Variants in TNFRSF9 observed in about 807,000 individuals in gnomAD.
TNFRSF9 encodes tumor necrosis factor receptor superfamily member 9.
TNFRSF9 carries 16 observed loss-of-function variants against 28.8 expected under a neutral mutation model. That is an observed-to-expected ratio of 0.55 (90% CI 0.38 to 0.84). The LOEUF (loss-of-function observed/expected upper bound fraction) is 0.84, where lower values mean the gene tolerates loss of function less well. Among genes scored for constraint, TNFRSF9 ranks in the 40% least tolerant of loss-of-function variants. The pLI is 0.00. For synonymous variants in TNFRSF9, 131 were observed against 117.0 expected (o/e 1.12, Z -0.77); for missense variants, 303 against 315.0 (o/e 0.96, Z 0.29).
At chr1:7,933,737 C>A (rs1639771000) in intron 6 of TNFRSF9, among the ~76,000 whole-genome samples, 1 of 152,022 alleles carries the variant, frequency 6.6e-6, no homozygotes, top group African/African-American at 2.4e-5. Context: ...AACTTAATGG[C>A]AGGGAGCGGT....
rs1055401812 is a variant in TNFRSF9 at position 7,928,628 on chromosome 1, A to G, written c.679+4534T>C. 5.3e-5 allele frequency among the ~76,000 whole-genome samples: 8 copies of G among 152,064 alleles called. No homozygotes were observed. The South Asian group carries it at 6.2e-4, about 12-fold the overall frequency. On this transcript the variant is annotated intron_variant, in intron 7 of 7. Transcript: ENST00000377507. The stretch of plus-strand genomic sequence containing the variant: ...ACAAATGGGCCGGGCATGGTGGCTC[A>G]TGCCTGTAATCCCAGCACTTTGGGA...
chr1:7,939,805 A>T, intron 2 of TNFRSF9, 90 bp downstream of exon 2: 1 of 931,160 alleles, frequency 1.1e-6, no homozygotes, highest in Non-Finnish European at 1.6e-6. Context: ...TCCTTTCCTT[A>T]AAAGGGAGCT....
chr1:7,929,967 CTTTTTT>C (rs56299901), intron 7 of TNFRSF9, among the ~76,000 whole-genome samples: 1 of 113,110 alleles, frequency 8.8e-6, no homozygotes, highest in African/African-American at 3.5e-5. Context: ...GACCTAAAAC[CTTTTTT>C]TTTTTTTTTT....
At chr1:7,936,315 G>A (rs1432730533) in intron 5 of TNFRSF9, 1 of 152,682 alleles carries the variant, frequency 6.5e-6, no homozygotes, top group African/African-American at 2.4e-5. Context: ...CTACTAGGAG[G>A]CCGAGGCAGG....
At position 7,937,730 on chromosome 1, in the gene TNFRSF9, A is replaced by G; in HGVS notation, c.373T>C (p.Phe125Leu). ...CAGATGCCACGTTTCTGATCGTTAA[A>G]TGTCCCAAAGCAACAGTCTTTACAA... ...KGCKDCCFGT[F>L]NDQKRGICRP... is the part of the protein sequence containing the mutation. Residue 125 changes from phenylalanine to leucine, a missense_variant, in exon 5 of 8, where the codon TTT (phenylalanine) becomes CTT (leucine). Coordinates refer to ENST00000377507, the MANE Select transcript of TNFRSF9 (RefSeq NM_001561.6). The G allele has an allele frequency of 6.2e-7, 1 of 1,613,760 alleles. No homozygotes were observed. Among genetic ancestry groups the G allele is most frequent in the Non-Finnish European group, 8.5e-7 (1 of 1,179,664 alleles).
At chr1:7,922,963 C>T (rs1328267000) in intron 7 of TNFRSF9, among the ~76,000 whole-genome samples, 4 of 147,402 alleles carry the variant, frequency 2.7e-5, no homozygotes, top group South Asian at 2.1e-4. Context: ...AGTGCAATGG[C>T]GTGATCTCAG....
chr1:7,921,741 A>G (rs1436400685), intron 7 of TNFRSF9: 1 of 152,190 alleles, frequency 6.6e-6, no homozygotes, highest in Non-Finnish European at 1.5e-5. Flanking sequence ...GCAAGGATGA[A>G]CTTCCTCTAG....
Position 7,937,775 on chromosome 1 carries a change from G to A in TNFRSF9, c.347-19C>T, listed in dbSNP as rs1478194398. ...TTACAACCTTGTATTAAAAATGAAAGCAATAATAAAAGGGAAGCATTTTCA... is the reference window on the plus strand; with the variant it reads ...TTACAACCTTGTATTAAAAATGAAAACAATAATAAAAGGGAAGCATTTTCA... On this transcript the variant is annotated intron_variant, in intron 4 of 7. Coordinates refer to ENST00000377507, the MANE Select transcript of TNFRSF9 (RefSeq NM_001561.6). The A allele has an allele frequency of 6.2e-7, 1 of 1,600,116 alleles. No individual in the cohort carries two copies. Among genetic ancestry groups the A allele is most frequent in the East Asian group, 2.2e-5 (1 of 44,754 alleles).
chr1:7,937,190 T>A lies in TNFRSF9; in HGVS notation c.413+500A>T, dbSNP rs77740280. 3.3e-3 allele frequency among the ~76,000 whole-genome samples: 498 copies of A among 152,340 alleles called. 19 individuals are homozygous for A. In the East Asian group the frequency reaches 0.083, roughly 25 times the overall value. On this transcript the variant is annotated intron_variant, in intron 5 of 7. Transcript: ENST00000377507. Reference sequence around the variant, plus strand: ...TCCACTGGCAATTCTTTTCCTTTCTTTTGAGACAGGCTCTCTGCTCTGGAG... The same window carrying A: ...TCCACTGGCAATTCTTTTCCTTTCTATTGAGACAGGCTCTCTGCTCTGGAG...
At chr1:7,933,789 G>A (rs1294066386) in intron 6 of TNFRSF9, among the ~76,000 whole-genome samples, 1 of 152,132 alleles carries the variant, frequency 6.6e-6, no homozygotes, top group African/African-American at 2.4e-5. Flanking sequence ...GGCCAAGGTG[G>A]GCAGATCACC....
intron 7 of TNFRSF9, among the ~76,000 whole-genome samples, chr1:7,927,167 C>T (rs1193443596): frequency 2.0e-5 from 3 of 152,142 alleles, no homozygotes; most frequent in Non-Finnish European, 4.4e-5. Flanking sequence ...GTGTTCATCA[C>T]GAATGCAAGA....
chr1:7,921,128 G>A (rs1639551335), intron 7 of TNFRSF9, among the ~76,000 whole-genome samples: 1 of 151,802 alleles, frequency 6.6e-6, no homozygotes, highest in African/African-American at 2.4e-5. Flanking sequence ...TTGAGGTCAG[G>A]AGTTCAAGAC....
At chr1:7,933,522 G>A (rs902833881) in intron 6 of TNFRSF9, among the ~76,000 whole-genome samples, 3 of 151,792 alleles carry the variant, frequency 2.0e-5, no homozygotes, top group South Asian at 2.1e-4. Flanking sequence ...GGATCACTTA[G>A]AGTCAGGAGT....
At chr1:7,922,931 C>G (rs1639584327) in intron 7 of TNFRSF9, among the ~76,000 whole-genome samples, 1 of 145,164 alleles carries the variant, frequency 6.9e-6, no homozygotes, top group Non-Finnish European at 1.5e-5. Flanking sequence ...GAGATGGAGT[C>G]TCACTCTGTT....
At chr1:7,938,964 G>T in intron 2 of TNFRSF9, 136 bp from the exon 3 acceptor site, 1 of 571,350 alleles carries the variant, frequency 1.8e-6, no homozygotes, top group Non-Finnish European at 3.1e-6. Flanking sequence ...ACATTAGTTT[G>T]ATTGACTTCC....
intron 7 of TNFRSF9, among the ~76,000 whole-genome samples, chr1:7,931,958 A>G (rs1174652900): frequency 6.6e-6 from 1 of 152,210 alleles, no homozygotes; most frequent in African/African-American, 2.4e-5. Flanking sequence ...AGCCTGGCCA[A>G]CATGGAGAAA....
intron 1 of TNFRSF9, 24 bp from the exon 2 acceptor site, chr1:7,940,102 G>A: frequency 1.4e-6 from 1 of 736,390 alleles, no homozygotes; most frequent in Non-Finnish European, 2.2e-6. Context: ...ACATTTCCAA[G>A]GAAAGGTGGT....
rs768784005 is a variant in TNFRSF9, at chr1:7,920,827, C to A, written c.*8G>T. On this transcript the variant is annotated 3_prime_UTR_variant, in exon 8 of 8. Coordinates refer to ENST00000377507, the MANE Select transcript of TNFRSF9 (RefSeq NM_001561.6). ...AAGAAAGTCCCAACAGCCCTATTGACTTCCATTTCACAGTTCACATCCTCC... is the reference window on the plus strand; with the variant it reads ...AAGAAAGTCCCAACAGCCCTATTGAATTCCATTTCACAGTTCACATCCTCC... The A allele has an allele frequency of 6.2e-6, 10 of 1,611,390 alleles. No homozygotes were observed. Among genetic ancestry groups the A allele is most frequent in the East Asian group, 2.2e-5 (1 of 44,858 alleles).
Position 7,939,895 on chromosome 1 carries a change from C to G in TNFRSF9, c.100G>C (p.Gly34Arg). The G allele has an allele frequency of 6.3e-7, 1 of 1,592,688 alleles. No homozygotes were observed. The highest frequency in any genetic ancestry group is 8.6e-7 in the Non-Finnish European group (1 of 1,163,194). Residue 34 changes from glycine to arginine, a missense_variant and splice_region_variant, in exon 2 of 8, where the codon GGT (glycine) becomes CGT (arginine). Physicochemically the swap from Gly to Arg is moderately radical, Grantham distance 125 (BLOSUM62 -2). Transcript: ENST00000377507. ...ATGCACATGATAACTGGGTACTCACCAGCTGGGCAGTTACTACAAGGATCC... is the reference window on the plus strand; with the variant it reads ...ATGCACATGATAACTGGGTACTCACGAGCTGGGCAGTTACTACAAGGATCC... ...LQDPCSNCPAGTFCDNNRNQI... is the reference protein window; with the variant it reads ...LQDPCSNCPARTFCDNNRNQI...
Sources: gnomAD v4.1 joint callset for allele counts (sites outside exome capture counted in the v4.1 genomes callset) on GRCh38, gnomAD v4.1.1 for gene constraint, MANE v1.5 for transcripts, NCBI Gene and HGNC (gene_info 2026-07-23, HGNC 2026-07-21) for gene names.